CEACAM20: variants seen among roughly 807,000 people sequenced by gnomAD.
CEACAM20 encodes cell adhesion molecule CEACAM20.
A neutral mutation model predicts 61.2 loss-of-function variants in CEACAM20; 50 were observed. That is an observed-to-expected ratio of 0.82 (90% CI 0.65 to 1.03). The LOEUF is 1.03. Among genes scored for constraint, CEACAM20 ranks in the 50% least tolerant of loss-of-function variants. CEACAM20 has a pLI of 0.00. For synonymous variants in CEACAM20, 282 were observed against 287.7 expected (o/e 0.98, Z 0.20); for missense variants, 683 against 736.4 (o/e 0.93, Z 0.84).
chr19:44,510,996 A>C, intron 11 of CEACAM20, 34 bp downstream of exon 11: 1 of 1,613,102 alleles, frequency 6.2e-7, no homozygotes, highest in African/African-American at 1.3e-5. Flanking sequence ...ACAGATTTCC[A>C]CCTGTCCAAA....
chr19:44,514,453 CTT>C (rs36006026), intron 6 of CEACAM20, among the ~76,000 whole-genome samples: 2 of 145,430 alleles, frequency 1.4e-5, no homozygotes, highest in African/African-American at 5.0e-5. Flanking sequence ...TGCATCTCCA[CTT>C]TTTTTTTTTT....
At position 44,523,956 on chromosome 19, in the gene CEACAM20, A is replaced by G. The variant is rs1367461676; in HGVS notation, c.472+30T>C. ...GGCACTAAGCAAGTGAGTGTCAGTGAGGGGTTGGAGAGAATGGAAAGGGAC... is the reference window on the plus strand; with the variant it reads ...GGCACTAAGCAAGTGAGTGTCAGTGGGGGGTTGGAGAGAATGGAAAGGGAC... On this transcript the variant is annotated intron_variant, in intron 3 of 11. Coordinates refer to ENST00000614924, the MANE Select transcript of CEACAM20 (RefSeq NM_001102597.3). The G allele has an allele frequency of 2.0e-6, 3 of 1,532,028 alleles. No individual in the cohort carries two copies. In the South Asian group the frequency reaches 3.7e-5, roughly 19 times the overall value. The allele number at this position is 1,532,028 out of a possible 1,614,324, so 94.9% of individuals were successfully genotyped here.
intron 8 of CEACAM20, among the ~76,000 whole-genome samples, chr19:44,512,594 C>T (rs1363940373): frequency 6.6e-6 from 1 of 152,200 alleles, no homozygotes; most frequent in Non-Finnish European, 1.5e-5. Context: ...ATTCTGTCTA[C>T]AACAATCAGT....
intron 10 of CEACAM20, 99 bp downstream of exon 10, chr19:44,511,538 T>G (rs1004605): frequency 0.46 from 561,345 of 1,218,252 alleles, 131,595 homozygotes; most frequent in South Asian, 0.52. Context: ...TGCCATGAAA[T>G]GTTTAGACAA....
intron 11 of CEACAM20, 59 bp from the exon 12 acceptor site, chr19:44,506,273 C>A: frequency 6.8e-7 from 1 of 1,481,044 alleles, no homozygotes; most frequent in Admixed American, 1.7e-5. Flanking sequence ...CCAGTCTACT[C>A]ACTGTAGTCT....
chr19:44,513,392 GCA>G, intron 6 of CEACAM20, 103 bp from the exon 7 acceptor site: 1 of 703,398 alleles, frequency 1.4e-6, no homozygotes, highest in Middle Eastern at 2.5e-4. Context: ...CATTTTGTGA[GCA>G]CTTGTTTTCC....
chr19:44,524,286 G>T, intron 2 of CEACAM20, 25 bp from the exon 3 acceptor site: 1 of 1,600,000 alleles, frequency 6.3e-7, no homozygotes, highest in South Asian at 1.1e-5. Context: ...GGGAGACAGA[G>T]GCAGAGACAC....
chr19:44,514,557 T>C (rs952364949), intron 6 of CEACAM20, among the ~76,000 whole-genome samples: 6 of 151,850 alleles, frequency 4.0e-5, no homozygotes, highest in African/African-American at 1.5e-4. Context: ...CAAGCAATTC[T>C]TCTGCTTCAC....
Position 44,506,843 on chromosome 19 carries a change from G to T in CEACAM20, c.1738-629C>A, listed in dbSNP as rs1184803858. ...CTTGCAGAAGAGCTAACTAAGCAAT[G>T]CCTGAACTCCTGACCCACAGAAACT... On this transcript the variant is annotated intron_variant, in intron 11 of 11. Transcript: ENST00000614924. Among the ~76,000 whole-genome samples the T allele has an allele frequency of 2.6e-5, 4 of 152,210 alleles. No homozygotes were observed. The East Asian group carries it at 7.7e-4, about 29-fold the overall frequency.
Position 44,528,169 on chromosome 19 carries a change from TC to T in CEACAM20, c.52+1288del, listed in dbSNP as rs1971589667. 6.2e-5 allele frequency among the ~76,000 whole-genome samples: 6 copies of T among 96,728 alleles called. No homozygotes were observed. In the South Asian group the frequency reaches 1.3e-3, roughly 20 times the overall value. 63.5% of individuals were successfully genotyped at this position (96,728 alleles called of 152,430 possible). A position where few individuals can be genotyped will look rare whatever the true frequency, so the allele number is the denominator to read the frequency against. ...CTTTTCTTTCTTTCTTTTCTTTCTT[TC>T]CTTTCTTTCTTTCCTTTCTTTCTTT... On this transcript the variant is annotated intron_variant, in intron 1 of 11. Transcript: ENST00000614924.
intron 8 of CEACAM20, among the ~76,000 whole-genome samples, chr19:44,512,303 C>T (rs536823768): frequency 1.3e-5 from 2 of 152,250 alleles, no homozygotes; most frequent in African/African-American, 4.8e-5. Flanking sequence ...AATTCTAGCC[C>T]AGTTTTGACA....
At chr19:44,520,340 C>G in intron 5 of CEACAM20, 134 bp downstream of exon 5, 1 of 1,206,326 alleles carries the variant, frequency 8.3e-7, no homozygotes, top group South Asian at 1.5e-5. Context: ...GCACTTGGCC[C>G]TGTCCAGTGC....
chr19:44,507,553 GA>G (rs1190632481), intron 11 of CEACAM20, among the ~76,000 whole-genome samples: 1 of 152,180 alleles, frequency 6.6e-6, no homozygotes, highest in African/African-American at 2.4e-5. Flanking sequence ...GTGAAAATGA[GA>G]AACTGTATAA....
At position 44,529,360 on chromosome 19, in the gene CEACAM20, A is replaced by G. The variant is rs963230572; in HGVS notation, c.52+98T>C. On this transcript the variant is annotated intron_variant, in intron 1 of 11. Coordinates refer to ENST00000614924, the MANE Select transcript of CEACAM20 (RefSeq NM_001102597.3). ...CATCTCTTTTTCCTCGAGTGCACAC[A>G]CACACACACACACACACACACACAC... The G allele has an allele frequency of 4.6e-4, 115 of 248,132 alleles. No individual in the cohort carries two copies. The African/African-American group carries it at 6.4e-3, about 14-fold the overall frequency. 15.4% of individuals were successfully genotyped at this position (248,132 alleles called of 1,614,324 possible).
At position 44,522,681 on chromosome 19, in the gene CEACAM20, C is replaced by G. The variant is rs762295727; in HGVS notation, c.704G>C (p.Ser235Thr). 2 of 1,613,762 alleles carry G rather than the reference C, an allele frequency of 1.2e-6. No homozygotes were observed. The highest frequency in any genetic ancestry group is 1.6e-4 in the Middle Eastern group (1 of 6,062). Residue 235 changes from serine (S) to threonine (T), a missense_variant, in exon 4 of 12, where the codon AGT becomes ACT. Physicochemically the swap from Ser to Thr is moderately conservative, Grantham distance 58 (BLOSUM62 1). Transcript: ENST00000614924. Reference sequence around the variant, plus strand: ...ACCCAGGCTGGACAGGTGGGTGGCACTGTTGGACACCAAGCACCTGTACAG... The same window carrying G: ...ACCCAGGCTGGACAGGTGGGTGGCAGTGTTGGACACCAAGCACCTGTACAG... Reference protein sequence around the residue: ...EGLYRCLVSNSATHLSSLGTL... With the variant: ...EGLYRCLVSNTATHLSSLGTL...
At chr19:44,524,598 G>C (rs1971471609) in intron 2 of CEACAM20, among the ~76,000 whole-genome samples, 1 of 150,762 alleles carries the variant, frequency 6.6e-6, no homozygotes, top group Admixed American at 6.6e-5. Flanking sequence ...TTTCTTTATT[G>C]AAACAGGGTT....
intron 5 of CEACAM20, 137 bp downstream of exon 5, chr19:44,520,337 G>T: frequency 8.7e-7 from 1 of 1,153,378 alleles, no homozygotes; most frequent in Non-Finnish European, 1.2e-6. Context: ...CAGGCACTTG[G>T]CCCTGTCCAG....
At chr19:44,528,956 C>CTT (rs71171255) in intron 1 of CEACAM20, among the ~76,000 whole-genome samples, 13,083 of 92,236 alleles carry the variant, frequency 0.14, 1,606 homozygotes, top group African/African-American at 0.28. Flanking sequence ...CTCTTTCTTT[C>CTT]TTTTTTTTTT....
At chr19:44,523,705 C>T (rs998336244) in intron 3 of CEACAM20, among the ~76,000 whole-genome samples, 4 of 152,108 alleles carry the variant, frequency 2.6e-5, no homozygotes, top group Non-Finnish European at 5.9e-5. Flanking sequence ...GTGTGAGCTA[C>T]AATAACCATT....
Sources: gnomAD v4.1 joint callset for allele counts (sites outside exome capture counted in the v4.1 genomes callset) on GRCh38, gnomAD v4.1.1 for gene constraint, MANE v1.5 for transcripts, NCBI Gene and HGNC (gene_info 2026-07-23, HGNC 2026-07-21) for gene names.